The following RGS17 variants were observed in gnomAD, a reference collection of about 807,000 sequenced individuals.
RGS17 encodes regulator of G protein signaling 17.
A neutral mutation model predicts 25.5 loss-of-function variants in RGS17; 12 were observed. The observed-to-expected ratio is 0.47, with a 90% CI of 0.30 to 0.76. The LOEUF is 0.76. RGS17 is among the 30% of genes least tolerant of loss of function. The probability of loss-of-function intolerance (pLI) is 0.07; values close to 1 mark genes in which losing one functional copy is unlikely to be tolerated. For missense variants in RGS17, 196 were observed against 242.2 expected, an observed-to-expected ratio of 0.81 and a Z score of 1.27; for synonymous variants, 71 against 76.9, an observed-to-expected ratio of 0.92 and a Z score of 0.40.
rs555054290 is a variant in RGS17, at chr6:153,035,325, C to T, written c.119+8575G>A. Among the ~76,000 whole-genome samples the T allele has an allele frequency of 1.4e-4, 22 of 152,014 alleles. No individual in the cohort carries two copies. The East Asian group carries it at 4.1e-3, about 28-fold the overall frequency. On this transcript the variant is annotated intron_variant, in intron 2 of 4. Transcript: ENST00000206262. The stretch of plus-strand genomic sequence containing the variant: ...TTTATACATGCTATATTTTATAGCA[C>T]CCAGTCCAGCATGATTATTATAAAA...
In RGS17 at chr6:153,024,255, T is replaced by A; in HGVS notation, c.444+7A>T. On this transcript the variant is annotated splice_region_variant and intron_variant, in intron 4 of 4. Coordinates refer to ENST00000206262, the MANE Select transcript of RGS17 (RefSeq NM_012419.5). Reference sequence around the variant, plus strand: ...GAAGCCCACCTCAATGTTTTCCAGATTTTTACCTCTTTTGGTGATAGTATA... The same window carrying A: ...GAAGCCCACCTCAATGTTTTCCAGAATTTTACCTCTTTTGGTGATAGTATA... 6.3e-7 allele frequency: 1 copy of A among 1,590,376 alleles called. No individual in the cohort carries two copies. The highest frequency in any genetic ancestry group is 8.6e-7 in the Non-Finnish European group (1 of 1,161,122).
At chr6:153,124,301 T>C (rs541792136) in intron 1 of RGS17, among the ~76,000 whole-genome samples, 1 of 152,172 alleles carries the variant, frequency 6.6e-6, no homozygotes, top group African/African-American at 2.4e-5. Context: ...TCACACAGCC[T>C]AGCACATAGT....
chr6:153,071,051 GTATACGCATATGTACA>G (rs918720635), intron 1 of RGS17, among the ~76,000 whole-genome samples: 5 of 149,300 alleles, frequency 3.3e-5, no homozygotes, highest in African/African-American at 1.2e-4. Flanking sequence ...ATGTACATGT[GTATACGCATATGTACA>G]TATACGTATA....
intron 1 of RGS17, among the ~76,000 whole-genome samples, chr6:153,122,908 T>C (rs1413448628): frequency 6.6e-6 from 1 of 151,536 alleles, no homozygotes; most frequent in Non-Finnish European, 1.5e-5. Flanking sequence ...AATGTTAGTA[T>C]TCCAATTCAC....
intron 1 of RGS17, among the ~76,000 whole-genome samples, chr6:153,058,242 G>A (rs1933260): frequency 0.38 from 58,370 of 151,980 alleles, 11,900 homozygotes; most frequent in East Asian, 0.62. Context: ...GTGTGGTTCA[G>A]TGTTTTAGTG....
chr6:153,014,245 C>A (rs917753606), intron 4 of RGS17, among the ~76,000 whole-genome samples: 1 of 152,098 alleles, frequency 6.6e-6, no homozygotes, highest in South Asian at 2.1e-4. Context: ...ATAAATGGAA[C>A]AACAAAGCCT....
At chr6:153,117,117 T>C (rs559878719) in intron 1 of RGS17, among the ~76,000 whole-genome samples, 11 of 151,998 alleles carry the variant, frequency 7.2e-5, no homozygotes, top group African/African-American at 2.2e-4. Context: ...ACTGGGTAAT[T>C]TATAAAGGAA....
intron 1 of RGS17, among the ~76,000 whole-genome samples, chr6:153,104,948 G>GA (rs145895302): frequency 0.092 from 13,969 of 152,204 alleles, 847 homozygotes; most frequent in East Asian, 0.18. Context: ...CAGGAGGAAG[G>GA]AAAATGGCCT....
chr6:153,035,157 A>AAC (rs550909112), intron 2 of RGS17, among the ~76,000 whole-genome samples: 451 of 151,864 alleles, frequency 3.0e-3, no homozygotes, highest in South Asian at 5.6e-3. Flanking sequence ...CTCTCACAAA[A>AAC]AAAAAAAAGT....
intron 2 of RGS17, among the ~76,000 whole-genome samples, chr6:153,036,628 C>T (rs1776246550): frequency 1.3e-5 from 2 of 152,200 alleles, no homozygotes; most frequent in Admixed American, 6.5e-5. Context: ...GCAAGTTGAA[C>T]TCATCTTTGT....
chr6:153,043,389 T>C (rs1335181324), intron 2 of RGS17, among the ~76,000 whole-genome samples: 1 of 152,070 alleles, frequency 6.6e-6, no homozygotes, highest in Non-Finnish European at 1.5e-5. Context: ...TCTCTGTCCT[T>C]ATTGGCAGGA....
At chr6:153,023,084 A>G (rs913963219) in intron 4 of RGS17, among the ~76,000 whole-genome samples, 1 of 149,532 alleles carries the variant, frequency 6.7e-6, no homozygotes, top group Non-Finnish European at 1.5e-5. Flanking sequence ...CTAACTAATT[A>G]AAAAAAACTA....
chr6:153,042,151 T>A (rs143159287), intron 2 of RGS17, among the ~76,000 whole-genome samples: 1 of 152,228 alleles, frequency 6.6e-6, no homozygotes, highest in Non-Finnish European at 1.5e-5. Flanking sequence ...TCTTTAGGCA[T>A]GACACAGAAA....
chr6:153,061,487 G>C (rs1050127600), intron 1 of RGS17, among the ~76,000 whole-genome samples: 1 of 151,948 alleles, frequency 6.6e-6, no homozygotes, highest in Non-Finnish European at 1.5e-5. Flanking sequence ...GTTAAAATAA[G>C]GAAAGAAGAA....
chr6:153,061,169 G>C (rs972837515), intron 1 of RGS17, among the ~76,000 whole-genome samples: 3 of 151,716 alleles, frequency 2.0e-5, no homozygotes, highest in Non-Finnish European at 4.4e-5. Context: ...TTCAGGCTTT[G>C]TTTTATTTTA....
intron 1 of RGS17, among the ~76,000 whole-genome samples, chr6:153,054,160 A>T (rs1776520611): frequency 7.4e-6 from 1 of 134,296 alleles, no homozygotes; most frequent in African/African-American, 2.8e-5. Context: ...GGAATTTCTT[A>T]TTTATATCCT....
At chr6:153,037,876 G>A (rs62436150) in intron 2 of RGS17, among the ~76,000 whole-genome samples, 2,394 of 152,182 alleles carry the variant, frequency 0.016, 29 homozygotes, top group South Asian at 0.037. Flanking sequence ...AACAACATGG[G>A]GCAGACAGGA....
intron 1 of RGS17, among the ~76,000 whole-genome samples, chr6:153,109,503 C>T (rs1307383131): frequency 6.6e-6 from 1 of 152,228 alleles, no homozygotes; most frequent in Non-Finnish European, 1.5e-5. Context: ...AGCAGCCGCA[C>T]ATTTGGTTAA....
rs150863877 is a variant in RGS17 at position 153,077,655 on chromosome 6, T to C, written c.-25-33612A>G. Among the ~76,000 whole-genome samples, 906 of 152,296 alleles carry C rather than the reference T, an allele frequency of 5.9e-3. 13 individuals carry two copies. The highest frequency in any genetic ancestry group is 0.021 in the African/African-American group (866 of 41,566). ...TTGTGGTATATCTTTCTGTATGTTT[T>C]AAAATTTCATAATGAGAAAGTTGGG... On this transcript the variant is annotated intron_variant, in intron 1 of 4. Transcript: ENST00000206262.
Sources: allele counts gnomAD v4.1 joint callset (sites outside exome capture counted in the v4.1 genomes callset), GRCh38; gene constraint gnomAD v4.1.1; transcripts MANE v1.5; gene names NCBI Gene and HGNC (gene_info 2026-07-23, HGNC 2026-07-21).